PCNX2: variants seen among roughly 807,000 people sequenced by gnomAD.
PCNX2 encodes the protein pecanex-like protein 2.
Under a neutral mutation model 223.8 loss-of-function variants are expected in PCNX2, and 168 were observed. The ratio of observed to expected loss-of-function variants is 0.75; its 90% confidence interval spans 0.66 to 0.85. PCNX2 has a LOEUF of 0.85. Ranked by LOEUF, PCNX2 falls within the 40% of genes least tolerant of loss-of-function variation. The probability of loss-of-function intolerance (pLI) is 0.00; values close to 1 mark genes in which losing one functional copy is unlikely to be tolerated. For missense variants in PCNX2, 2,507 were observed against 2,675.5 expected, an observed-to-expected ratio of 0.94 and a Z score of 1.39; for synonymous variants, 1,006 against 1,052.6, an observed-to-expected ratio of 0.96 and a Z score of 0.86.
chr1:233,057,677 C>G (rs1672242860), intron 23 of PCNX2: 1 of 186,204 alleles, frequency 5.4e-6, no homozygotes. Context: ...TGGTACCAGT[C>G]TGGCAAACAG....
chr1:233,056,841 CCTT>C (rs1403995489), intron 24 of PCNX2, among the ~76,000 whole-genome samples: 1 of 152,124 alleles, frequency 6.6e-6, no homozygotes, highest in African/African-American at 2.4e-5. Flanking sequence ...GTTTCTGAAA[CCTT>C]CTAGATCCTG....
At chr1:233,023,169 C>G (rs1670956119) in intron 26 of PCNX2, among the ~76,000 whole-genome samples, 2 of 152,208 alleles carry the variant, frequency 1.3e-5, no homozygotes, top group African/African-American at 4.8e-5. Context: ...CTGCAACCAC[C>G]CTGTCCTGCC....
chr1:233,003,064 C>G (rs946872016), intron 28 of PCNX2, among the ~76,000 whole-genome samples: 3 of 152,122 alleles, frequency 2.0e-5, no homozygotes, highest in Non-Finnish European at 2.9e-5. Flanking sequence ...AGAAGAAAAC[C>G]TAGGCAATAC....
chr1:233,182,419 AC>A (rs1679854416), intron 15 of PCNX2, among the ~76,000 whole-genome samples: 1 of 151,856 alleles, frequency 6.6e-6, no homozygotes, highest in South Asian at 2.1e-4. Context: ...ATGGGGACTC[AC>A]CCTTCAGTAT....
At chr1:233,247,136 T>C (rs1261028029) in intron 8 of PCNX2, among the ~76,000 whole-genome samples, 4 of 152,212 alleles carry the variant, frequency 2.6e-5, no homozygotes, top group African/African-American at 9.7e-5. Context: ...TAGGACTGAC[T>C]CGTTTTTCCT....
intron 1 of PCNX2, among the ~76,000 whole-genome samples, chr1:233,287,873 G>A (rs1014929396): frequency 1.3e-5 from 2 of 151,994 alleles, no homozygotes; most frequent in African/African-American, 4.8e-5. Flanking sequence ...GCCTCACTGG[G>A]GCACTATGAA....
At chr1:233,223,068 C>A (rs1336685357) in intron 10 of PCNX2, among the ~76,000 whole-genome samples, 1 of 152,136 alleles carries the variant, frequency 6.6e-6, no homozygotes, top group Non-Finnish European at 1.5e-5. Flanking sequence ...CTGGGGACTT[C>A]AACATTAAAG....
chr1:233,106,921 A>T (rs575645748), intron 21 of PCNX2, among the ~76,000 whole-genome samples: 74 of 152,266 alleles, frequency 4.9e-4, no homozygotes, highest in African/African-American at 1.7e-3. Flanking sequence ...ACATATAGGA[A>T]TAAGATGGTT....
chr1:233,215,545 A>G (rs1050062470), intron 12 of PCNX2, among the ~76,000 whole-genome samples: 8 of 152,194 alleles, frequency 5.3e-5, no homozygotes, highest in Admixed American at 1.3e-4. Flanking sequence ...ACAAATCCAC[A>G]AGGATTATGC....
At position 233,261,966 on chromosome 1, in the gene PCNX2, C is replaced by G. The variant is rs371749268; in HGVS notation, c.480+79G>C. 148 of 1,569,900 alleles carry G rather than the reference C, an allele frequency of 9.4e-5. No individual in the cohort carries two copies. The African/African-American group carries it at 1.3e-3, about 13-fold the overall frequency. On this transcript the variant is annotated intron_variant, in intron 3 of 33. Transcript: ENST00000258229. ...TACAGCATGCAAGCTACAATCACTGCTGCTGAACACTCCCATTCTAGGTGA... is the reference window on the plus strand; with the variant it reads ...TACAGCATGCAAGCTACAATCACTGGTGCTGAACACTCCCATTCTAGGTGA...
At chr1:233,207,083 T>C (rs769583892) in intron 13 of PCNX2, among the ~76,000 whole-genome samples, 1 of 150,792 alleles carries the variant, frequency 6.6e-6, no homozygotes, top group Non-Finnish European at 1.5e-5. Flanking sequence ...GGAAAAGATG[T>C]GTTGAGGATG....
At position 232,997,080 on chromosome 1, in the gene PCNX2, C is replaced by G. The variant is rs146369597; in HGVS notation, c.5791+1171G>C. On this transcript the variant is annotated intron_variant, in intron 32 of 33. Coordinates refer to ENST00000258229, the MANE Select transcript of PCNX2 (RefSeq NM_014801.4). ...CTGGTCACAGTGGTTGCAAAATACC[C>G]CTTTTCCTTATCCCCTGCCCCGCCT... Among the ~76,000 whole-genome samples the G allele has an allele frequency of 2.8e-3, 427 of 152,256 alleles. 2 individuals carry two copies. Among genetic ancestry groups the G allele is most frequent in the African/African-American group, 9.8e-3 (407 of 41,550 alleles).
Position 232,990,382 on chromosome 1 carries a change from T to G in PCNX2, c.5792-3842A>C, listed in dbSNP as rs1388973526. ...AGTCAGTGCTAGAGAGCCTTCTGGATAGTTGAATCACATCTTGGAGGGATT... is the reference window on the plus strand; with the variant it reads ...AGTCAGTGCTAGAGAGCCTTCTGGAGAGTTGAATCACATCTTGGAGGGATT... On this transcript the variant is annotated intron_variant, in intron 32 of 33. Coordinates refer to ENST00000258229, the MANE Select transcript of PCNX2 (RefSeq NM_014801.4). The surrounding 1 kb of genome is among the most constrained non-coding windows in gnomAD (Gnocchi z 4.3). Among the ~76,000 whole-genome samples the G allele has an allele frequency of 2.0e-5, 3 of 152,254 alleles. No homozygotes were observed. In the East Asian group the frequency reaches 5.8e-4, roughly 30 times the overall value.
intron 28 of PCNX2, among the ~76,000 whole-genome samples, chr1:233,008,867 C>A (rs75902352): frequency 6.6e-6 from 1 of 152,304 alleles, no homozygotes; most frequent in East Asian, 1.9e-4. Flanking sequence ...GCATCACAAC[C>A]TAGCACAGGA....
chr1:233,293,861 T>C (rs2103032425), intron 1 of PCNX2: 1 of 740,458 alleles, frequency 1.4e-6, no homozygotes, highest in Non-Finnish European at 1.6e-6. Context: ...GATTTCACCC[T>C]GGTGAGGGCT....
rs981551239 is a variant in PCNX2 at position 233,217,923 on chromosome 1, C to T, written c.2667G>A (p.Gln889=). 1.3e-5 allele frequency: 21 copies of T among 1,613,766 alleles called. No homozygotes were observed. The highest frequency in any genetic ancestry group is 1.8e-5 in the Non-Finnish European group (21 of 1,179,880). Reference sequence around the variant, plus strand: ...CGTGTATTGGTGAGGCGGGGTCAGGCTGAACACTCTAAAACACAAATCAGA... The same window carrying T: ...CGTGTATTGGTGAGGCGGGGTCAGGTTGAACACTCTAAAACACAAATCAGA... ...SCQYSLLKSV[Q]PDPASPIHGH... The change falls in exon 12 of 34, where the codon CAG becomes CAA. Residue 889 remains glutamine (Q), a synonymous_variant. Coordinates refer to ENST00000258229, the MANE Select transcript of PCNX2 (RefSeq NM_014801.4).
In PCNX2 at chr1:233,258,244, A is replaced by G. The variant is rs1659842093; in HGVS notation, c.1618T>C (p.Phe540Leu). The change falls in exon 5 of 34, where the codon TTC becomes CTC. Residue 540 changes from phenylalanine (F) to leucine (L), a missense_variant. This residue lies in a region of PCNX2 where 1,031 missense variants were observed against 1,021.7 expected (regional missense o/e 1.01). Transcript: ENST00000258229. ...ATTTCTGCAGAACTTTTACTCAAGA[A>G]GACATCTGTCCCACTGTCCACACTG... ...VLSVDSGTDV[F>L]LSKSSAEIVN... 2 of 1,613,988 alleles carry G rather than the reference A, an allele frequency of 1.2e-6. No homozygotes were observed. The highest frequency in any genetic ancestry group is 1.7e-6 in the Non-Finnish European group (2 of 1,179,896).
intron 8 of PCNX2, among the ~76,000 whole-genome samples, chr1:233,246,163 C>CTTCAGATGGGATAAATGCCG (rs1303858185): frequency 2.0e-5 from 3 of 151,934 alleles, no homozygotes; most frequent in Non-Finnish European, 4.4e-5. Context: ...GATAAATGCC[C>CTTCAGATGGGATAAATGCCG]TTCAGATGGG....
Position 233,000,322 on chromosome 1 carries a change from T to C in PCNX2, c.5311A>G (p.Ser1771Gly). Reference sequence around the variant, plus strand: ...CGCCATACCTTGATCACCTTGAAGCTCAGGAAGCTTCTGTGGAGCATGATG... The same window carrying C: ...CGCCATACCTTGATCACCTTGAAGCCCAGGAAGCTTCTGTGGAGCATGATG... ...KVIMLHRSFL[S>G]FKVIKVNKEC... The change falls in exon 30 of 34, where the codon AGC becomes GGC. Residue 1771 changes from serine (S) to glycine (G), a missense_variant. By Grantham distance (56) the Ser-to-Gly change is moderately conservative (BLOSUM62 0). This residue lies in a region of PCNX2 where 1,372 missense variants were observed against 1,509.4 expected (regional missense o/e 0.91). Coordinates refer to ENST00000258229, the MANE Select transcript of PCNX2 (RefSeq NM_014801.4). This position sits in a 1 kb window ranked among gnomAD's most constrained non-coding sequence, Gnocchi z 4.6. 1 of 1,613,924 alleles carries C rather than the reference T, an allele frequency of 6.2e-7. No individual in the cohort carries two copies. Among genetic ancestry groups the C allele is most frequent in the South Asian group, 1.1e-5 (1 of 91,074 alleles).
Sources: gnomAD v4.1 joint callset for allele counts (sites outside exome capture counted in the v4.1 genomes callset) on GRCh38, gnomAD v4.1.1 for gene constraint, gnomAD v4.1.1 regional missense constraint, Gnocchi (gnomAD v3.1) non-coding constraint, MANE v1.5 for transcripts, NCBI Gene and HGNC (gene_info 2026-07-23, HGNC 2026-07-21) for gene names.